CHD9: variants seen among roughly 807,000 people sequenced by gnomAD.
The protein encoded by CHD9 is ATP-dependent chromatin remodeler CHD9.
CHD9 carries 77 observed loss-of-function variants against 316.1 expected under a neutral mutation model. That is an observed-to-expected ratio of 0.24 (90% CI 0.20 to 0.29). The LOEUF (loss-of-function observed/expected upper bound fraction) is 0.29. Among genes scored for constraint, CHD9 ranks in the 10% least tolerant of loss-of-function variants. The pLI is 1.00. For synonymous variants in CHD9, 1,129 were observed against 1,158.3 expected, an observed-to-expected ratio of 0.97 and a Z score of 0.51; for missense variants, 2,763 against 3,438.1, an observed-to-expected ratio of 0.80 and a Z score of 4.91.
intron 2 of CHD9, among the ~76,000 whole-genome samples, chr16:53,198,489 G>C (rs1163418074): frequency 6.6e-6 from 1 of 151,816 alleles, no homozygotes; most frequent in Non-Finnish European, 1.5e-5. Context: ...ACCACACCCG[G>C]CTAATTTTTT....
chr16:53,064,803 G>A (rs189333747), intron 1 of CHD9, among the ~76,000 whole-genome samples: 5 of 152,180 alleles, frequency 3.3e-5, no homozygotes, highest in East Asian at 3.9e-4. Flanking sequence ...GTGAAACCCC[G>A]TCTCTACTAA....
chr16:53,067,891 A>G (rs918167946), intron 1 of CHD9, among the ~76,000 whole-genome samples: 1 of 151,468 alleles, frequency 6.6e-6, no homozygotes, highest in Non-Finnish European at 1.5e-5. Flanking sequence ...TGAGACCCCA[A>G]CTCCACAGGA....
At chr16:53,221,264 TA>T (rs2047207834) in intron 3 of CHD9, among the ~76,000 whole-genome samples, 1 of 152,212 alleles carries the variant, frequency 6.6e-6, no homozygotes. Context: ...GCAAGGAAAC[TA>T]AGGCCAAAAG....
intron 24 of CHD9, among the ~76,000 whole-genome samples, chr16:53,277,181 A>G (rs1328881172): frequency 6.6e-6 from 1 of 152,216 alleles, no homozygotes; most frequent in Non-Finnish European, 1.5e-5. Context: ...CAGACATTCA[A>G]AGAAGAATTG....
intron 11 of CHD9, among the ~76,000 whole-genome samples, chr16:53,236,621 C>A (rs1450769686): frequency 2.0e-5 from 3 of 148,716 alleles, no homozygotes; most frequent in Admixed American, 1.3e-4. Flanking sequence ...CATTCCCCCC[C>A]ACCACCACCA....
rs766818817 is a variant in CHD9, at chr16:53,324,022, A to G, written c.7821A>G (p.Gly2607=). 6.3e-7 allele frequency: 1 copy of G among 1,597,330 alleles called. No individual in the cohort carries two copies. Among genetic ancestry groups the G allele is most frequent in the Non-Finnish European group, 8.6e-7 (1 of 1,167,754 alleles). ...PEWGDVVKQS[G]FLPESMYERI... is the part of the protein sequence containing the mutation. ...TAATGAATATATATTTCTTCCAGGGATTTCTTCCAGAAAGCATGTATGAAC... is the reference window on the plus strand; with the variant it reads ...TAATGAATATATATTTCTTCCAGGGGTTTCTTCCAGAAAGCATGTATGAAC... Residue 2607 remains glycine, a splice_region_variant and synonymous_variant, in exon 39 of 39, where the codon GGA becomes GGG. Coordinates refer to ENST00000447540, the MANE Select transcript of CHD9 (RefSeq NM_001308319.2).
chr16:53,278,219 A>C (rs1287845863), intron 24 of CHD9, among the ~76,000 whole-genome samples: 1 of 152,200 alleles, frequency 6.6e-6, no homozygotes, highest in Non-Finnish European at 1.5e-5. Flanking sequence ...ATTCCTATCA[A>C]AATACCACCA....
chr16:53,271,000 G>A (rs1333435561), intron 22 of CHD9, among the ~76,000 whole-genome samples: 2 of 152,022 alleles, frequency 1.3e-5, no homozygotes, highest in Admixed American at 6.6e-5. Flanking sequence ...TGGTAGTTGA[G>A]TTGTAGAGCT....
chr16:53,125,049 G>C (rs2038910107), intron 1 of CHD9, among the ~76,000 whole-genome samples: 1 of 152,008 alleles, frequency 6.6e-6, no homozygotes, highest in Non-Finnish European at 1.5e-5. Flanking sequence ...TGTGCATATT[G>C]GCTATTTGTA....
intron 1 of CHD9, among the ~76,000 whole-genome samples, chr16:53,091,820 C>G (rs1198332001): frequency 6.6e-6 from 1 of 152,082 alleles, no homozygotes; most frequent in African/African-American, 2.4e-5. Flanking sequence ...TCCTTCCTCC[C>G]TCCCTCCCTT....
At chr16:53,126,369 T>G (rs545663857) in intron 1 of CHD9, among the ~76,000 whole-genome samples, 1 of 152,354 alleles carries the variant, frequency 6.6e-6, no homozygotes, top group East Asian at 1.9e-4. Flanking sequence ...ACCATAAATG[T>G]AAGAGTTTAT....
chr16:53,202,426 A>G (rs548128854), intron 2 of CHD9, among the ~76,000 whole-genome samples: 7 of 149,364 alleles, frequency 4.7e-5, no homozygotes, highest in African/African-American at 9.9e-5. Context: ...TGTCATTCCA[A>G]TTAGTCTTAA....
chr16:53,296,337 C>T (rs1319964258), intron 29 of CHD9, among the ~76,000 whole-genome samples: 5 of 151,788 alleles, frequency 3.3e-5, no homozygotes, highest in Non-Finnish European at 7.4e-5. Context: ...TACAAAACAC[C>T]ATTATTGTCT....
At chr16:53,171,849 CACACACACACAG>C (rs1184876972) in intron 2 of CHD9, among the ~76,000 whole-genome samples, 89 of 77,128 alleles carry the variant, frequency 1.2e-3, no homozygotes, top group Admixed American at 1.9e-3. Flanking sequence ...CACACACACA[CACACACACACAG>C]ACACACACAC....
At chr16:53,159,393 A>G in intron 2 of CHD9, among the ~76,000 whole-genome samples, 1 of 152,210 alleles carries the variant, frequency 6.6e-6, no homozygotes, top group Middle Eastern at 3.2e-3. Flanking sequence ...ATAATAAAAA[A>G]TTAATGTAAT....
chr16:53,267,054 C>A (rs2051766345), intron 20 of CHD9, among the ~76,000 whole-genome samples: 1 of 151,992 alleles, frequency 6.6e-6, no homozygotes, highest in East Asian at 1.9e-4. Flanking sequence ...TATTAATATA[C>A]AAAATATCAA....
intron 1 of CHD9, among the ~76,000 whole-genome samples, chr16:53,063,446 T>G (rs1343397913): frequency 6.6e-6 from 1 of 151,466 alleles, no homozygotes; most frequent in Non-Finnish European, 1.5e-5. Context: ...AGGGGAAAAC[T>G]GCCCTAAAAG....
At chr16:53,133,185 G>T (rs997506273) in intron 1 of CHD9, among the ~76,000 whole-genome samples, 1 of 152,142 alleles carries the variant, frequency 6.6e-6, no homozygotes, top group African/African-American at 2.4e-5. Flanking sequence ...TTTCAGGTAA[G>T]TATGTATAGT....
chr16:53,183,415 G>A (rs2043698597), intron 2 of CHD9, among the ~76,000 whole-genome samples: 1 of 152,118 alleles, frequency 6.6e-6, no homozygotes, highest in Non-Finnish European at 1.5e-5. Context: ...AGGAGAGAAA[G>A]GGGAAGGAAC....
Sources: gnomAD v4.1 joint callset for allele counts (sites outside exome capture counted in the v4.1 genomes callset) on GRCh38, gnomAD v4.1.1 for gene constraint, MANE v1.5 for transcripts, NCBI Gene and HGNC (gene_info 2026-07-23, HGNC 2026-07-21) for gene names.